The following GALK2 variants were observed in gnomAD, a reference collection of about 807,000 sequenced individuals.
GALK2 encodes N-acetylgalactosamine kinase.
GALK2 carries 36 observed loss-of-function variants against 52.4 expected under a neutral mutation model. That is an observed-to-expected ratio of 0.69 (90% CI 0.53 to 0.91). GALK2 has a LOEUF of 0.91. Among genes scored for constraint, GALK2 ranks in the 40% least tolerant of loss-of-function variants. The pLI is 0.00. For synonymous variants in GALK2, 176 were observed against 199.1 expected (o/e 0.88, Z 0.98); for missense variants, 579 against 559.1 (o/e 1.04, Z -0.36).
At chr15:49,357,637 A>G (rs2043402062) in intron 3 of GALK2, among the ~76,000 whole-genome samples, 1 of 150,362 alleles carries the variant, frequency 6.7e-6, no homozygotes, top group South Asian at 2.1e-4. Flanking sequence ...AGATGGATTC[A>G]CAGCCGAATT....
chr15:49,350,157 T>C (rs1432494876), intron 3 of GALK2, among the ~76,000 whole-genome samples: 3 of 151,934 alleles, frequency 2.0e-5, no homozygotes, highest in African/African-American at 4.8e-5. Context: ...CTCAAGGCAG[T>C]GTTGTTCATA....
intron 3 of GALK2, 72 bp downstream of exon 3, chr15:49,217,385 C>T: frequency 2.2e-6 from 3 of 1,390,314 alleles, no homozygotes; most frequent in Non-Finnish European, 9.7e-7. Flanking sequence ...CTTTAGGAGA[C>T]ATCAAATTTG....
intron 3 of GALK2, among the ~76,000 whole-genome samples, chr15:49,234,605 C>T (rs904082868): frequency 2.0e-5 from 3 of 152,080 alleles, no homozygotes; most frequent in South Asian, 2.1e-4. Flanking sequence ...GTAAAACCAG[C>T]GGATCCCATG....
intron 3 of GALK2, among the ~76,000 whole-genome samples, chr15:49,228,113 G>T (rs1287258547): frequency 1.3e-5 from 2 of 152,132 alleles, no homozygotes; most frequent in Admixed American, 1.3e-4. Context: ...TCCTTTGTAA[G>T]TGTCTAGATG....
intron 3 of GALK2, among the ~76,000 whole-genome samples, chr15:49,224,913 G>C (rs1298333174): frequency 2.0e-5 from 3 of 152,176 alleles, no homozygotes; most frequent in Admixed American, 1.3e-4. Context: ...CTCTGTACAG[G>C]ATCTTTATTT....
chr15:49,272,056 C>T (rs2030742243), intron 5 of GALK2, among the ~76,000 whole-genome samples: 1 of 152,144 alleles, frequency 6.6e-6, no homozygotes, highest in Non-Finnish European at 1.5e-5. Context: ...CATTGGCTCA[C>T]CAGGGCCCAA....
At chr15:49,309,553 A>G (rs1025266986) in intron 8 of GALK2, among the ~76,000 whole-genome samples, 1 of 152,026 alleles carries the variant, frequency 6.6e-6, no homozygotes, top group Non-Finnish European at 1.5e-5. Flanking sequence ...GCTATACATG[A>G]CCTCAAACAT....
upstream of GALK2, among the ~76,000 whole-genome samples, chr15:49,168,513 G>A (rs2084898504): frequency 6.6e-6 from 1 of 152,138 alleles, no homozygotes; most frequent in African/African-American, 2.4e-5. Flanking sequence ...GAGGTCAGGA[G>A]CTCGAGACCA....
At chr15:49,155,860 C>G in exon 1 of GALK2, 1 of 971,018 alleles carries the variant, frequency 1.0e-6, no homozygotes, top group Non-Finnish European at 1.6e-6. Flanking sequence ...TCGGAAACTG[C>G]GCTCGCATCG....
At chr15:49,215,070 C>T (rs1443842010) in intron 2 of GALK2, among the ~76,000 whole-genome samples, 4 of 152,162 alleles carry the variant, frequency 2.6e-5, no homozygotes, top group Non-Finnish European at 5.9e-5. Context: ...CTCTAAGTTT[C>T]CTGCGGAGTT....
At chr15:49,315,907 G>C (rs867392679) in intron 8 of GALK2, among the ~76,000 whole-genome samples, 13 of 151,870 alleles carry the variant, frequency 8.6e-5, no homozygotes, top group African/African-American at 3.1e-4. Context: ...ACATCTCTCT[G>C]GATAGTTTCT....
chr15:49,176,087 C>T (rs1300217335), intron 1 of GALK2, among the ~76,000 whole-genome samples: 9 of 152,230 alleles, frequency 5.9e-5, no homozygotes, highest in Non-Finnish European at 4.4e-5. Context: ...TGTCCTGCTA[C>T]AATGTGAGAT....
chr15:49,193,424 G>A lies in GALK2; in HGVS notation c.54-7738G>A, dbSNP rs927079053. Among the ~76,000 whole-genome samples the A allele has an allele frequency of 4.6e-5, 7 of 150,824 alleles. No homozygotes were observed. In the South Asian group the frequency reaches 6.3e-4, roughly 14 times the overall value. ...CTACAATATATGTTATTTTCTGTGCGTTGTTTTTTAAATTTTGTAGTGTTT... is the reference window on the plus strand; with the variant it reads ...CTACAATATATGTTATTTTCTGTGCATTGTTTTTTAAATTTTGTAGTGTTT... On this transcript the variant is annotated intron_variant, in intron 1 of 9. Coordinates refer to ENST00000560031, the MANE Select transcript of GALK2 (RefSeq NM_002044.4).
chr15:49,169,819 G>T (rs974641999), upstream of GALK2, among the ~76,000 whole-genome samples: 1 of 152,154 alleles, frequency 6.6e-6, no homozygotes, highest in Non-Finnish European at 1.5e-5. Flanking sequence ...GAAGTAATCC[G>T]CAAAGAAGCA....
intron 9 of GALK2, among the ~76,000 whole-genome samples, chr15:49,323,188 C>G (rs888640761): frequency 2.0e-5 from 3 of 152,106 alleles, no homozygotes; most frequent in African/African-American, 7.2e-5. Context: ...GACTGTCTCA[C>G]TGGGTCAGGC....
intron 9 of GALK2, among the ~76,000 whole-genome samples, chr15:49,320,228 A>G (rs1157080448): frequency 6.6e-6 from 1 of 152,156 alleles, no homozygotes; most frequent in African/African-American, 2.4e-5. Context: ...GAAGGGAGAA[A>G]ACTGACAGAG....
At chr15:49,208,772 T>C (rs1044416989) in intron 2 of GALK2, among the ~76,000 whole-genome samples, 50 of 152,238 alleles carry the variant, frequency 3.3e-4, no homozygotes, top group Non-Finnish European at 6.8e-4. Context: ...CCCACTATTA[T>C]TGTGTTGCTG....
At chr15:49,231,052 A>T (rs2141457068) in intron 3 of GALK2, among the ~76,000 whole-genome samples, 1 of 152,158 alleles carries the variant, frequency 6.6e-6, no homozygotes, top group Admixed American at 6.5e-5. Context: ...ATTCTGTGGG[A>T]GCTGGCACTT....
chr15:49,240,180 A>G (rs1181047566), intron 5 of GALK2, among the ~76,000 whole-genome samples: 1 of 152,190 alleles, frequency 6.6e-6, no homozygotes, highest in Non-Finnish European at 1.5e-5. Context: ...GTCCTGTGTA[A>G]GTGTACATTA....
Sources: allele counts gnomAD v4.1 joint callset (sites outside exome capture counted in the v4.1 genomes callset), GRCh38; gene constraint gnomAD v4.1.1; transcripts MANE v1.5; gene names NCBI Gene and HGNC (gene_info 2026-07-23, HGNC 2026-07-21).